Variants in ROBO1 observed in about 807,000 individuals in gnomAD.
The protein encoded by ROBO1 is roundabout homolog 1.
Under a neutral mutation model 195.9 loss-of-function variants are expected in ROBO1, and 149 were observed. The observed-to-expected ratio is 0.76, with a 90% CI of 0.67 to 0.87. ROBO1 has a LOEUF of 0.87. Ranked by LOEUF, ROBO1 falls within the 40% of genes least tolerant of loss-of-function variation. The probability of loss-of-function intolerance (pLI) is 0.00; values close to 1 mark genes in which losing one functional copy is unlikely to be tolerated. For missense variants in ROBO1, 1,933 were observed against 2,068.3 expected (o/e 0.93, Z 1.27); for synonymous variants, 816 against 733.2 (o/e 1.11, Z -1.82).
chr3:79,214,911 TTG>T (rs1259737933), intron 2 of ROBO1, among the ~76,000 whole-genome samples: 1 of 151,732 alleles, frequency 6.6e-6, no homozygotes, highest in Non-Finnish European at 1.5e-5. Flanking sequence ...AAACGTCATT[TTG>T]TTTGTGAATG....
At chr3:78,884,866 C>CTGTG (rs376764608) in intron 4 of ROBO1, among the ~76,000 whole-genome samples, 16,452 of 147,196 alleles carry the variant, frequency 0.11, 2,217 homozygotes, top group African/African-American at 0.33. Context: ...CTCTCTCTTT[C>CTGTG]TGTGTGTGTG....
In ROBO1 at chr3:79,212,294, T is replaced by C. The variant is rs535655345; in HGVS notation, c.89-86755A>G. 1.4e-4 allele frequency among the ~76,000 whole-genome samples: 21 copies of C among 152,274 alleles called. No individual in the cohort carries two copies. The East Asian group carries it at 4.1e-3, about 29-fold the overall frequency. The stretch of plus-strand genomic sequence containing the variant: ...GATCTGGGGGCAGTTTGTGGCCAGA[T>C]TTGGGGGCTTATTCTCAACAACTGA... On this transcript the variant is annotated intron_variant, in intron 2 of 30. Coordinates refer to ENST00000464233, the MANE Select transcript of ROBO1 (RefSeq NM_002941.4).
intron 1 of ROBO1, among the ~76,000 whole-genome samples, chr3:79,762,199 G>A (rs1241077799): frequency 2.0e-5 from 3 of 152,078 alleles, no homozygotes; most frequent in Non-Finnish European, 4.4e-5. Context: ...TGGTGTCTGG[G>A]GAGGACCCAC....
rs75042985 is a variant in ROBO1 at position 78,995,507 on chromosome 3, G to A, written c.173-56580C>T. ...CCCCATCTCCACTCTTGCCTCTATA[G>A]CCCGTCGATCGGGAGCATGTTGGGT... On this transcript the variant is annotated intron_variant, in intron 3 of 30. Coordinates refer to ENST00000464233, the MANE Select transcript of ROBO1 (RefSeq NM_002941.4). 4.8e-3 allele frequency among the ~76,000 whole-genome samples: 736 copies of A among 152,164 alleles called. 6 individuals carry two copies. The highest frequency in any genetic ancestry group is 0.017 in the African/African-American group (705 of 41,516).
intron 2 of ROBO1, among the ~76,000 whole-genome samples, chr3:79,562,925 TAA>T (rs2107716393): frequency 6.6e-6 from 1 of 152,134 alleles, no homozygotes; most frequent in East Asian, 1.9e-4. Context: ...ATAAATGAAC[TAA>T]AGACACTTTG....
At chr3:79,129,849 A>AT (rs1326217741) in intron 2 of ROBO1, among the ~76,000 whole-genome samples, 3 of 149,606 alleles carry the variant, frequency 2.0e-5, no homozygotes, top group Admixed American at 1.3e-4. Flanking sequence ...TCTTGAATTG[A>AT]TTTTTGTATA....
intron 4 of ROBO1, among the ~76,000 whole-genome samples, chr3:78,880,129 AAC>A (rs935387874): frequency 6.6e-6 from 1 of 152,138 alleles, no homozygotes; most frequent in African/African-American, 2.4e-5. Context: ...GAAAAGTCAA[AAC>A]ACATCTCATT....
intron 2 of ROBO1, among the ~76,000 whole-genome samples, chr3:79,575,505 A>T (rs1201128039): frequency 7.4e-5 from 9 of 122,164 alleles, no homozygotes. Flanking sequence ...ATAAATATAT[A>T]TAACAAATAT....
intron 1 of ROBO1, among the ~76,000 whole-genome samples, chr3:79,701,524 A>G (rs2107162143): frequency 6.6e-6 from 1 of 151,890 alleles, no homozygotes; most frequent in East Asian, 1.9e-4. Flanking sequence ...ATTACAAAAG[A>G]TAGAAATAAA....
At chr3:78,939,425 T>A (rs1285080668) in intron 3 of ROBO1, among the ~76,000 whole-genome samples, 1 of 147,138 alleles carries the variant, frequency 6.8e-6, no homozygotes, top group Non-Finnish European at 1.5e-5. Context: ...CCATCCTGGC[T>A]AACAAGGTGA....
intron 2 of ROBO1, among the ~76,000 whole-genome samples, chr3:79,588,573 A>T (rs1173455191): frequency 1.3e-5 from 2 of 151,672 alleles, no homozygotes; most frequent in East Asian, 3.9e-4. Context: ...TATTCTGACA[A>T]TTTACAAAAC....
chr3:78,750,922 C>T (rs1470287718), intron 4 of ROBO1, among the ~76,000 whole-genome samples: 1 of 152,138 alleles, frequency 6.6e-6, no homozygotes, highest in Non-Finnish European at 1.5e-5. Context: ...ATTCTGATTA[C>T]CAGTGAAGCA....
intron 2 of ROBO1, among the ~76,000 whole-genome samples, chr3:79,285,861 G>C (rs1257213649): frequency 6.6e-6 from 1 of 151,956 alleles, no homozygotes; most frequent in Non-Finnish European, 1.5e-5. Flanking sequence ...GACTTAAAAT[G>C]TTAACATTTT....
intron 1 of ROBO1, among the ~76,000 whole-genome samples, chr3:79,676,239 T>C (rs116683271): frequency 7.2e-5 from 11 of 152,204 alleles, no homozygotes; most frequent in African/African-American, 2.4e-4. Flanking sequence ...AAAATAAGAA[T>C]ACCCATATTT....
At chr3:78,889,825 C>T (rs1464223299) in intron 4 of ROBO1, among the ~76,000 whole-genome samples, 1 of 151,736 alleles carries the variant, frequency 6.6e-6, no homozygotes, top group African/African-American at 2.4e-5. Flanking sequence ...AGACACTAGA[C>T]TGGAAGAAAT....
chr3:79,601,699 A>G (rs1211123214), intron 1 of ROBO1, among the ~76,000 whole-genome samples: 1 of 151,992 alleles, frequency 6.6e-6, no homozygotes. Context: ...GCAAGAAATC[A>G]TGGTAGATTA....
intron 1 of ROBO1, among the ~76,000 whole-genome samples, chr3:79,600,904 T>C (rs1405498675): frequency 6.6e-6 from 1 of 152,020 alleles, no homozygotes; most frequent in African/African-American, 2.4e-5. Flanking sequence ...ATAAACGTTA[T>C]TTGACAACTT....
intron 4 of ROBO1, among the ~76,000 whole-genome samples, chr3:78,840,978 C>T (rs2033153171): frequency 1.3e-5 from 2 of 150,726 alleles, no homozygotes. Flanking sequence ...AGGAGAGTGG[C>T]GTAAACCTGG....
At chr3:78,769,236 G>T (rs1448612312) in intron 4 of ROBO1, among the ~76,000 whole-genome samples, 1 of 152,046 alleles carries the variant, frequency 6.6e-6, no homozygotes, top group Non-Finnish European at 1.5e-5. Context: ...TATAAATTTG[G>T]GAGCTCCAGT....
Sources: gnomAD v4.1 joint callset for allele counts (sites outside exome capture counted in the v4.1 genomes callset) on GRCh38, gnomAD v4.1.1 for gene constraint, MANE v1.5 for transcripts, NCBI Gene and HGNC (gene_info 2026-07-23, HGNC 2026-07-21) for gene names.